Variants in SMCHD1 observed in about 807,000 individuals in gnomAD.
SMCHD1 encodes structural maintenance of chromosomes flexible hinge domain-containing protein 1.
In SMCHD1, 78 loss-of-function variants were observed where a neutral mutation model predicts 254.7. The ratio of observed to expected loss-of-function variants is 0.31; its 90% confidence interval spans 0.26 to 0.37. SMCHD1 has a LOEUF of 0.37. Ranked by LOEUF, SMCHD1 falls within the 10% of genes least tolerant of loss-of-function variation. The pLI is 1.00. For missense variants in SMCHD1, 1,840 were observed against 2,408.1 expected (o/e 0.76, Z 4.94); for synonymous variants, 766 against 794.9 (o/e 0.96, Z 0.61).
intron 5 of SMCHD1, among the ~76,000 whole-genome samples, chr18:2,685,400 A>G (rs1053701816): frequency 5.3e-5 from 8 of 152,088 alleles, no homozygotes; most frequent in African/African-American, 1.4e-4. Context: ...CACCTGGCCT[A>G]TTCTGTCCCT....
chr18:2,656,669 T>C (rs1208891096), intron 1 of SMCHD1, among the ~76,000 whole-genome samples: 1 of 152,216 alleles, frequency 6.6e-6, no homozygotes, highest in Non-Finnish European at 1.5e-5. Context: ...GCCCAGGGGC[T>C]CTGTTGTGAG....
At chr18:2,731,307 A>G (rs2075134777) in intron 24 of SMCHD1, among the ~76,000 whole-genome samples, 1 of 152,242 alleles carries the variant, frequency 6.6e-6, no homozygotes, top group Non-Finnish European at 1.5e-5. Context: ...GTGCTGTTGA[A>G]TGGACTATAA....
chr18:2,759,634 A>G lies in SMCHD1; in HGVS notation c.4347-1018A>G, dbSNP rs1292569353. On this transcript the variant is annotated intron_variant, in intron 34 of 47. Coordinates refer to ENST00000320876, the MANE Select transcript of SMCHD1 (RefSeq NM_015295.3). ...ACCCAAGCTGGAGTGCAGTGGAGTG[A>G]TCTTGGCTCACAGCAACCTCTGCCT... is the stretch of plus-strand genomic sequence containing the variant. Among the ~76,000 whole-genome samples the G allele has an allele frequency of 3.9e-5, 5 of 126,660 alleles. No homozygotes were observed. In the Admixed American group the frequency reaches 5.0e-4, roughly 13 times the overall value. The allele number at this position is 126,660 out of a possible 152,430, so 83.1% of individuals were successfully genotyped here.
chr18:2,744,658 G>T (rs978152803), intron 29 of SMCHD1, among the ~76,000 whole-genome samples: 11 of 152,256 alleles, frequency 7.2e-5, no homozygotes, highest in Middle Eastern at 6.8e-3. Flanking sequence ...AGATGAAGCA[G>T]TTTTGAAGAA....
At position 2,697,890 on chromosome 18, in the gene SMCHD1, C is replaced by T. The variant is rs535674229; in HGVS notation, c.1191C>T (p.Asp397=). Residue 397 remains aspartate, a synonymous_variant, in exon 10 of 48, where the codon GAC becomes GAT. Coordinates refer to ENST00000320876, the MANE Select transcript of SMCHD1 (RefSeq NM_015295.3). ...TTGTCAACCTAAGGGAAATACAAGA[C>T]GACATGCAGACGTTGTATGTAAACA... The part of the protein sequence containing the change: ...PKIVNLREIQ[D]DMQTLYVNTA... The T allele has an allele frequency of 4.2e-5, 68 of 1,613,462 alleles. No individual in the cohort carries two copies. Among genetic ancestry groups the T allele is most frequent in the Middle Eastern group, 1.7e-4 (1 of 6,058 alleles).
At chr18:2,739,561 C>A in intron 27 of SMCHD1, 41 bp downstream of exon 27, 1 of 1,504,248 alleles carries the variant, frequency 6.6e-7, no homozygotes, top group East Asian at 2.3e-5. Flanking sequence ...ACAAAAAAAT[C>A]TTCTGTGATG....
chr18:2,754,844 T>G (rs2075643212), intron 34 of SMCHD1, among the ~76,000 whole-genome samples: 1 of 151,602 alleles, frequency 6.6e-6, no homozygotes, highest in Admixed American at 6.6e-5. Flanking sequence ...TTTTTTAATG[T>G]ATAGTGTGAG....
At chr18:2,704,364 GTTAAGTAATGATTT>G (rs1454511794) in intron 13 of SMCHD1, among the ~76,000 whole-genome samples, 3 of 152,012 alleles carry the variant, frequency 2.0e-5, no homozygotes, top group African/African-American at 7.2e-5. Context: ...AATGTAATGC[GTTAAGTAATGATTT>G]TTAAGTATTT....
chr18:2,682,997 G>A (rs1455919792), intron 5 of SMCHD1, among the ~76,000 whole-genome samples: 1 of 152,078 alleles, frequency 6.6e-6, no homozygotes, highest in Non-Finnish European at 1.5e-5. Flanking sequence ...GGTTTGCATG[G>A]GTCATTTAAG....
chr18:2,676,748 G>T (rs1258435220), intron 5 of SMCHD1, among the ~76,000 whole-genome samples: 1 of 152,050 alleles, frequency 6.6e-6, no homozygotes, highest in African/African-American at 2.4e-5. Context: ...TTAACATTTT[G>T]TCACATTTAT....
At chr18:2,763,558 T>C in intron 36 of SMCHD1, 79 bp from the exon 37 acceptor site, 1 of 1,169,040 alleles carries the variant, frequency 8.6e-7, no homozygotes, top group Non-Finnish European at 1.2e-6. Flanking sequence ...CTCTGTATTA[T>C]TTCTGATTTG....
intron 30 of SMCHD1, among the ~76,000 whole-genome samples, chr18:2,748,390 A>ATTTTTT (rs67175512): frequency 0.06 from 5,589 of 92,664 alleles, 1,162 homozygotes; most frequent in East Asian, 0.28. Flanking sequence ...GTGTATATAA[A>ATTTTTT]TTTTTTTTTT....
At position 2,784,615 on chromosome 18, in the gene SMCHD1, C is replaced by A; in HGVS notation, c.5713C>A (p.Gln1905Lys). The A allele has an allele frequency of 6.3e-7, 1 of 1,578,164 alleles. No individual in the cohort carries two copies. The highest frequency in any genetic ancestry group is 1.2e-5 in the South Asian group (1 of 84,452). The change falls in exon 45 of 48, where the codon CAA becomes AAA. Residue 1905 changes from glutamine (Q) to lysine (K), a missense_variant. Gln to Lys is a moderately conservative substitution (Grantham distance 53, BLOSUM62 1). Transcript: ENST00000320876. ...VPKQCLILGEQIDLLQQYRSA... is the reference protein window; with the variant it reads ...VPKQCLILGEKIDLLQQYRSA... The stretch of plus-strand genomic sequence containing the variant: ...AAAACAGTGTCTGATCTTAGGGGAA[C>A]AAATAGGTAAGTTGAATAAGTACTT...
At chr18:2,662,180 A>AAAATAAAT (rs1555624073) in intron 1 of SMCHD1, among the ~76,000 whole-genome samples, 1 of 89,884 alleles carries the variant, frequency 1.1e-5, no homozygotes, top group African/African-American at 6.2e-5. Context: ...AAAAAAAAAT[A>AAAATAAAT]AAATAAATAA....
At chr18:2,769,860 G>C (rs754366159) in intron 38 of SMCHD1, 40 bp downstream of exon 38, 3 of 1,577,680 alleles carry the variant, frequency 1.9e-6, no homozygotes, top group South Asian at 2.3e-5. Flanking sequence ...TCCGTTGTTA[G>C]TGATACTTTA....
At chr18:2,691,042 G>A (rs942736426) in intron 7 of SMCHD1, among the ~76,000 whole-genome samples, 8 of 146,932 alleles carry the variant, frequency 5.4e-5, no homozygotes, top group African/African-American at 2.0e-4. Context: ...TTATTTTCTC[G>A]ATAACTTAAT....
intron 24 of SMCHD1, among the ~76,000 whole-genome samples, chr18:2,731,450 G>A (rs2075138439): frequency 6.6e-6 from 1 of 152,014 alleles, no homozygotes; most frequent in African/African-American, 2.4e-5. Flanking sequence ...CCAATATGTT[G>A]ACCAGTTGTC....
intron 5 of SMCHD1, among the ~76,000 whole-genome samples, chr18:2,683,542 T>C (rs1250783138): frequency 6.6e-6 from 1 of 152,250 alleles, no homozygotes; most frequent in Non-Finnish European, 1.5e-5. Context: ...CAGGATGTTA[T>C]CTATCTAGAT....
intron 19 of SMCHD1, among the ~76,000 whole-genome samples, chr18:2,719,773 T>G (rs923171677): frequency 6.6e-6 from 1 of 151,980 alleles, no homozygotes; most frequent in Non-Finnish European, 1.5e-5. Context: ...ACTCCCAGTT[T>G]CAAGCGATTC....
Sources: gnomAD v4.1 joint callset for allele counts (sites outside exome capture counted in the v4.1 genomes callset) on GRCh38, gnomAD v4.1.1 for gene constraint, MANE v1.5 for transcripts, NCBI Gene and HGNC (gene_info 2026-07-23, HGNC 2026-07-21) for gene names.